The following DGKG variants were observed in gnomAD, a reference collection of about 807,000 sequenced individuals.
DGKG encodes the protein diacylglycerol kinase gamma.
Under a neutral mutation model 105.3 loss-of-function variants are expected in DGKG, and 78 were observed. That is an observed-to-expected ratio of 0.74 (90% confidence interval 0.62 to 0.89). The LOEUF is 0.89. DGKG is among the 40% of genes least tolerant of loss of function. The probability of loss-of-function intolerance (pLI) is 0.00; values close to 1 mark genes in which losing one functional copy is unlikely to be tolerated. For missense variants in DGKG, 958 were observed against 1,020.1 expected (o/e 0.94, Z 0.83); for synonymous variants, 346 against 367.1 (o/e 0.94, Z 0.66).
At chr3:186,299,840 T>TCTTTCTTTCTTTCTTTCTTTCTCTC (rs1553815789) in intron 3 of DGKG, among the ~76,000 whole-genome samples, 1 of 80,726 alleles carries the variant, frequency 1.2e-5, no homozygotes, top group African/African-American at 5.1e-5. Flanking sequence ...TTTCTTTCTT[T>TCTTTCTTTCTTTCTTTCTTTCTCTC]TTTTTTTTTT....
In DGKG at chr3:186,292,576, C is replaced by T. The variant is rs572230996; in HGVS notation, c.374-3696G>A. On this transcript the variant is annotated intron_variant, in intron 5 of 24. Transcript: ENST00000265022. ...TGGGAGGCCGAGGTGGGTGGATCACCTGAGGTCAGGAGTTGGAGACCAGCC... is the reference window on the plus strand; with the variant it reads ...TGGGAGGCCGAGGTGGGTGGATCACTTGAGGTCAGGAGTTGGAGACCAGCC... 2.6e-5 allele frequency among the ~76,000 whole-genome samples: 4 copies of T among 152,192 alleles called. No homozygotes were observed. The East Asian group carries it at 7.7e-4, about 29-fold the overall frequency.
intron 3 of DGKG, among the ~76,000 whole-genome samples, chr3:186,298,516 T>C (rs1161410850): frequency 1.3e-5 from 2 of 152,118 alleles, no homozygotes; most frequent in Admixed American, 1.3e-4. Context: ...AATGATATTA[T>C]GTAAATTTAG....
In DGKG at chr3:186,286,007, C is replaced by G. The variant is rs16860672; in HGVS notation, c.545-1298G>C. ...TTTCCTGCTATTGTTTAAAACCCTT[C>G]ATCATGCCTGCTTTCTCTGCGGAGC... On this transcript the variant is annotated intron_variant, in intron 6 of 24. Coordinates refer to ENST00000265022, the MANE Select transcript of DGKG (RefSeq NM_001346.3). Among the ~76,000 whole-genome samples, 732 of 152,266 alleles carry G rather than the reference C, an allele frequency of 4.8e-3. 11 individuals carry two copies. The highest frequency in any genetic ancestry group is 0.017 in the African/African-American group (693 of 41,566).
intron 20 of DGKG, among the ~76,000 whole-genome samples, chr3:186,215,179 G>A (rs1329808440): frequency 1.3e-5 from 2 of 152,160 alleles, no homozygotes; most frequent in African/African-American, 2.4e-5. Context: ...GGGAGGCAGA[G>A]GCAGGAGGAT....
intron 5 of DGKG, among the ~76,000 whole-genome samples, chr3:186,291,629 G>A (rs1003516016): frequency 1.3e-5 from 2 of 151,966 alleles, no homozygotes; most frequent in Non-Finnish European, 2.9e-5. Context: ...AGTGAAAAAA[G>A]GCAGACCCAA....
At chr3:186,345,846 T>C (rs1461663421) in intron 1 of DGKG, among the ~76,000 whole-genome samples, 1 of 152,236 alleles carries the variant, frequency 6.6e-6, no homozygotes, top group Non-Finnish European at 1.5e-5. Context: ...CTCAGCTCAC[T>C]GCAACCTCCG....
chr3:186,288,379 T>G (rs1723165688), intron 6 of DGKG, among the ~76,000 whole-genome samples: 1 of 152,150 alleles, frequency 6.6e-6, no homozygotes, highest in Admixed American at 6.5e-5. Flanking sequence ...GAGGTAGCAG[T>G]TTTCTGAGTA....
intron 5 of DGKG, among the ~76,000 whole-genome samples, chr3:186,293,019 G>C (rs1290130475): frequency 6.6e-6 from 1 of 152,050 alleles, no homozygotes; most frequent in Non-Finnish European, 1.5e-5. Context: ...AGAGGGTCCA[G>C]AGGTTTTTCA....
At chr3:186,347,528 T>C (rs1726404855) in intron 1 of DGKG, among the ~76,000 whole-genome samples, 1 of 151,996 alleles carries the variant, frequency 6.6e-6, no homozygotes, top group Non-Finnish European at 1.5e-5. Context: ...TTCTATCATC[T>C]TATTTTATAC....
At chr3:186,150,803 G>C (rs183602110) in intron 24 of DGKG, among the ~76,000 whole-genome samples, 1 of 152,164 alleles carries the variant, frequency 6.6e-6, no homozygotes, top group Non-Finnish European at 1.5e-5. Flanking sequence ...GGGTTTATAA[G>C]TGTTTCCTCC....
chr3:186,337,814 C>T (rs139126389), intron 1 of DGKG, among the ~76,000 whole-genome samples: 73 of 152,234 alleles, frequency 4.8e-4, no homozygotes, highest in Non-Finnish European at 7.6e-4. Context: ...TTCCTTTACA[C>T]TAGCAACAGC....
At chr3:186,287,776 G>C (rs1221887475) in intron 6 of DGKG, among the ~76,000 whole-genome samples, 1 of 152,148 alleles carries the variant, frequency 6.6e-6, no homozygotes, top group Admixed American at 6.5e-5. Context: ...TGAGCAAACT[G>C]TTTCATTTTG....
rs141623538 is a variant in DGKG at position 186,231,746 on chromosome 3, C to A, written c.1826+10758G>T. Among the ~76,000 whole-genome samples, 1 of 152,200 alleles carries A rather than the reference C, an allele frequency of 6.6e-6. No individual in the cohort carries two copies. Among genetic ancestry groups the A allele is most frequent in the Admixed American group, 6.5e-5 (1 of 15,284 alleles). ...CCAGCCTGGCCAACATGGTGAAACC[C>A]GCTCTCTACTAAAAATACAAAAAAA... On this transcript the variant is annotated intron_variant, in intron 20 of 24. Coordinates refer to ENST00000265022, the MANE Select transcript of DGKG (RefSeq NM_001346.3). The surrounding 1 kb of genome is among the most constrained non-coding windows in gnomAD (Gnocchi z 4.5).
intron 20 of DGKG, among the ~76,000 whole-genome samples, chr3:186,222,407 G>A (rs914475265): frequency 6.6e-6 from 1 of 152,192 alleles, no homozygotes. Context: ...AAGGCAGAAA[G>A]GCCTGGGTTC....
At chr3:186,310,265 C>CAA (rs1165723037) in intron 2 of DGKG, among the ~76,000 whole-genome samples, 977 of 33,010 alleles carry the variant, frequency 0.03, 67 homozygotes, top group African/African-American at 0.075. Context: ...GACTCCGTCT[C>CAA]AAAAAAAAAA....
intron 2 of DGKG, among the ~76,000 whole-genome samples, chr3:186,320,140 G>A (rs527790348): frequency 9.2e-5 from 14 of 152,338 alleles, no homozygotes; most frequent in African/African-American, 3.4e-4. Context: ...AGTGTTGTCA[G>A]TGATTTTTAA....
intron 9 of DGKG, chr3:186,279,575 T>C: frequency 4.3e-6 from 1 of 232,624 alleles, no homozygotes; most frequent in Non-Finnish European, 8.3e-6. Context: ...CCTGGTTGAG[T>C]ATAAGGTTCT....
At chr3:186,336,128 C>T (rs181933382) in intron 1 of DGKG, among the ~76,000 whole-genome samples, 21 of 152,254 alleles carry the variant, frequency 1.4e-4, no homozygotes, top group South Asian at 4.1e-4. Flanking sequence ...CACAGTGGTA[C>T]GGTATAAAAG....
chr3:186,301,834 A>G (rs1252163446), intron 3 of DGKG, among the ~76,000 whole-genome samples: 2 of 152,236 alleles, frequency 1.3e-5, no homozygotes, highest in Non-Finnish European at 2.9e-5. Flanking sequence ...GACCTTTGGT[A>G]TTCATAGCCT....
Sources: gnomAD v4.1 joint callset for allele counts (sites outside exome capture counted in the v4.1 genomes callset) on GRCh38, gnomAD v4.1.1 for gene constraint, Gnocchi (gnomAD v3.1) non-coding constraint, MANE v1.5 for transcripts, NCBI Gene and HGNC (gene_info 2026-07-23, HGNC 2026-07-21) for gene names.